The following TRPM3 variants were observed in gnomAD, a reference collection of about 807,000 sequenced individuals.
TRPM3 encodes the protein long transient receptor potential channel 3.
TRPM3 carries 77 observed loss-of-function variants against 181.2 expected under a neutral mutation model. The observed-to-expected ratio is 0.42, with a 90% confidence interval of 0.35 to 0.51. The LOEUF (loss-of-function observed/expected upper bound fraction) is 0.51, where lower values mean the gene tolerates loss of function less well. Ranked by LOEUF, TRPM3 falls within the 20% of genes least tolerant of loss-of-function variation. TRPM3 has a pLI of 0.01. For missense variants in TRPM3, 1,759 were observed against 2,196.7 expected, an observed-to-expected ratio of 0.80 and a Z score of 3.98; for synonymous variants, 745 against 796.4, an observed-to-expected ratio of 0.94 and a Z score of 1.09.
At chr9:70,792,192 G>T (rs2085609200) in intron 6 of TRPM3, among the ~76,000 whole-genome samples, 1 of 152,142 alleles carries the variant, frequency 6.6e-6, no homozygotes. Context: ...CAGACCTGCA[G>T]TGAGCCAGAT....
chr9:71,383,194 ATATATGCATATATACGTGTATGTACATG>A (rs2092843476), intron 1 of TRPM3, among the ~76,000 whole-genome samples: 1 of 152,150 alleles, frequency 6.6e-6, no homozygotes, highest in East Asian at 1.9e-4. Flanking sequence ...ATACATACAC[ATATATGCATATATACGTGTATGTACATG>A]TATATGTGTG....
At chr9:71,170,230 A>G (rs1233367054) in intron 1 of TRPM3, among the ~76,000 whole-genome samples, 2 of 152,146 alleles carry the variant, frequency 1.3e-5, no homozygotes, top group Non-Finnish European at 2.9e-5. Flanking sequence ...GAACTAAGTT[A>G]CAGCAGAATA....
intron 1 of TRPM3, among the ~76,000 whole-genome samples, chr9:71,116,086 C>A (rs531267256): frequency 6.6e-6 from 1 of 152,266 alleles, no homozygotes; most frequent in Non-Finnish European, 1.5e-5. Flanking sequence ...CCTAACAATA[C>A]ATCATGTTTT....
At chr9:71,284,479 G>T (rs921860857) in intron 1 of TRPM3, among the ~76,000 whole-genome samples, 2 of 152,276 alleles carry the variant, frequency 1.3e-5, no homozygotes, top group South Asian at 2.1e-4. Context: ...CGATCAGATG[G>T]CCTTACAGGT....
At chr9:71,401,179 C>G (rs1206325490) in intron 1 of TRPM3, among the ~76,000 whole-genome samples, 3 of 96,106 alleles carry the variant, frequency 3.1e-5, no homozygotes, top group Non-Finnish European at 5.8e-5. Flanking sequence ...GCCTAAGGGT[C>G]AAAGTGAGAC....
intron 22 of TRPM3, among the ~76,000 whole-genome samples, chr9:70,579,806 T>C (rs2055145098): frequency 6.6e-6 from 1 of 152,200 alleles, no homozygotes; most frequent in South Asian, 2.1e-4. Flanking sequence ...AAAACTGCCA[T>C]GTAGGCAAAG....
intron 1 of TRPM3, among the ~76,000 whole-genome samples, chr9:71,129,879 C>T (rs2074265899): frequency 6.6e-6 from 1 of 152,022 alleles, no homozygotes; most frequent in Admixed American, 6.5e-5. Flanking sequence ...CTTCCATATC[C>T]CTTTCCCTAC....
chr9:71,420,966 G>GGAGAGAAAAGGGGAGAGAAAAAGA (rs2093753450), intron 1 of TRPM3, among the ~76,000 whole-genome samples: 1 of 39,442 alleles, frequency 2.5e-5, no homozygotes, highest in Admixed American at 2.5e-4. Context: ...AGAGAAAAAG[G>GGAGAGAAAAGGGGAGAGAAAAAGA]GAGAGAAAAA....
intron 1 of TRPM3, among the ~76,000 whole-genome samples, chr9:71,009,218 A>G (rs1164706273): frequency 6.6e-6 from 1 of 152,204 alleles, no homozygotes; most frequent in Admixed American, 6.5e-5. Context: ...CTCTAGCCAG[A>G]GTAATTAGTC....
chr9:70,554,118 A>G (rs2047106135), intron 22 of TRPM3, among the ~76,000 whole-genome samples: 1 of 151,928 alleles, frequency 6.6e-6, no homozygotes, highest in African/African-American at 2.4e-5. Context: ...GATATGTGGG[A>G]TTGGCTGTGT....
chr9:71,105,467 T>C (rs1234955326), intron 1 of TRPM3, among the ~76,000 whole-genome samples: 2 of 152,150 alleles, frequency 1.3e-5, no homozygotes, highest in East Asian at 3.9e-4. Context: ...CAGCCTTTGC[T>C]GGGGTTTCCT....
chr9:71,105,957 A>AT (rs1007976473), intron 1 of TRPM3, among the ~76,000 whole-genome samples: 14 of 152,082 alleles, frequency 9.2e-5, no homozygotes, highest in East Asian at 1.9e-4. Context: ...CACATGGCTG[A>AT]TTTTTTTTAA....
intron 8 of TRPM3, among the ~76,000 whole-genome samples, chr9:70,696,914 A>C (rs768233421): frequency 9.9e-5 from 15 of 152,174 alleles, no homozygotes; most frequent in Non-Finnish European, 1.5e-4. Context: ...GTCTGTCCTC[A>C]GTCCCACGGG....
chr9:70,988,081 C>G (rs1200762255), intron 1 of TRPM3, among the ~76,000 whole-genome samples: 1 of 152,072 alleles, frequency 6.6e-6, no homozygotes, highest in Non-Finnish European at 1.5e-5. Context: ...GTAAAGTAAG[C>G]AAGCTTATGT....
At chr9:71,169,927 A>G (rs2076759842) in intron 1 of TRPM3, among the ~76,000 whole-genome samples, 2 of 148,792 alleles carry the variant, frequency 1.3e-5, no homozygotes, top group Admixed American at 1.4e-4. Context: ...CCTGGAACCC[A>G]GAAGGAAGAG....
intron 20 of TRPM3, among the ~76,000 whole-genome samples, chr9:70,601,426 A>G (rs2059923847): frequency 6.6e-6 from 1 of 152,086 alleles, no homozygotes; most frequent in Non-Finnish European, 1.5e-5. Context: ...CATTTCCAGG[A>G]TCTTGCGTCT....
Position 70,625,134 on chromosome 9 carries a change from A to G in TRPM3, c.1809+57T>C. 6.3e-7 allele frequency: 1 copy of G among 1,591,882 alleles called. No homozygotes were observed. Among genetic ancestry groups the G allele is most frequent in the Non-Finnish European group, 8.6e-7 (1 of 1,165,604 alleles). On this transcript the variant is annotated intron_variant, in intron 14 of 25. Coordinates refer to ENST00000677713, the MANE Select transcript of TRPM3 (RefSeq NM_001366145.2). This position sits in a 1 kb window ranked among gnomAD's most constrained non-coding sequence, Gnocchi z 4.8. ...CTTGGAGACAAAGAAGCCACAACCC[A>G]AATCCCATACACCCTAGTCCTCCCA...
intron 8 of TRPM3, among the ~76,000 whole-genome samples, chr9:70,742,028 T>C (rs977076049): frequency 6.6e-6 from 1 of 152,108 alleles, no homozygotes; most frequent in Admixed American, 6.6e-5. Flanking sequence ...CACCTGACTT[T>C]CCTTTTGTTT....
At chr9:71,234,054 G>A (rs975198580) in intron 1 of TRPM3, among the ~76,000 whole-genome samples, 15 of 152,206 alleles carry the variant, frequency 9.9e-5, no homozygotes, top group African/African-American at 3.6e-4. Flanking sequence ...CAGTTTGGCT[G>A]TGTGGTTCTG....
Sources: allele counts gnomAD v4.1 joint callset (sites outside exome capture counted in the v4.1 genomes callset), GRCh38; gene constraint gnomAD v4.1.1; non-coding constraint Gnocchi (gnomAD v3.1); transcripts MANE v1.5; gene names NCBI Gene and HGNC (gene_info 2026-07-23, HGNC 2026-07-21).